ZNF48: variants seen among roughly 807,000 people sequenced by gnomAD.
ZNF48 encodes zinc finger protein 553.
A neutral mutation model predicts 40.0 loss-of-function variants in ZNF48; 20 were observed. The ratio of observed to expected loss-of-function variants is 0.50; its 90% CI spans 0.35 to 0.73. The LOEUF (loss-of-function observed/expected upper bound fraction) is 0.73, where lower values mean the gene tolerates loss of function less well. Among genes scored for constraint, ZNF48 ranks in the 30% least tolerant of loss-of-function variants. ZNF48 has a pLI of 0.01. For missense variants in ZNF48, 726 were observed against 851.9 expected (o/e 0.85, Z 1.84); for synonymous variants, 298 against 329.7 (o/e 0.90, Z 1.04).
rs1004168258 is a variant in ZNF48, at chr16:30,381,410, G to C, written c.-16+3000G>C. ...AGTCCTGGATGTTCTTCCGGTTCAG[G>C]CCACTCTCATCCCTAAGGTACTGCT... On this transcript the variant is annotated intron_variant, in intron 1 of 2. Coordinates refer to the ZNF48 transcript ENST00000528032. This position sits in a 1 kb window ranked among gnomAD's most constrained non-coding sequence, Gnocchi z 4.3. 15 of 1,613,856 alleles carry C rather than the reference G, an allele frequency of 9.3e-6. No individual in the cohort carries two copies. The Admixed American group carries it at 1.3e-4, about 14-fold the overall frequency.
chr16:30,379,060 T>C (rs776033912), intron 1 of ZNF48: 1 of 1,613,898 alleles, frequency 6.2e-7, no homozygotes, highest in Non-Finnish European at 8.5e-7. Flanking sequence ...GGCCAGGCTC[T>C]GTAGGCAGCG....
chr16:30,398,803 A>T lies in ZNF48; in HGVS notation c.1553A>T (p.His518Leu). 6.2e-7 allele frequency: 1 copy of T among 1,613,700 alleles called. No homozygotes were observed. The highest frequency in any genetic ancestry group is 8.5e-7 in the Non-Finnish European group (1 of 1,180,000). The change falls in exon 3 of 3, where the codon CAT becomes CTT. Residue 518 changes from histidine to leucine, a missense_variant. His to Leu is a moderately conservative substitution (Grantham distance 99). Transcript: ENST00000613509. The surrounding 1 kb of genome is among the most constrained non-coding windows in gnomAD (Gnocchi z 6.6). ...CCACCATCCACTCTGCTGCGGCCACATAACCCACCTGGCCCAGTACCCATG... is the reference window on the plus strand; with the variant it reads ...CCACCATCCACTCTGCTGCGGCCACTTAACCCACCTGGCCCAGTACCCATG... ...PPPPSTLLRP[H>L]NPPGPVPMAP...
In ZNF48 at chr16:30,381,670, G is replaced by T; in HGVS notation, c.-16+3260G>T. 1 of 1,560,806 alleles carries T rather than the reference G, an allele frequency of 6.4e-7. No homozygotes were observed. On this transcript the variant is annotated intron_variant, in intron 1 of 2. Coordinates refer to the ZNF48 transcript ENST00000528032. The surrounding 1 kb of genome is among the most constrained non-coding windows in gnomAD (Gnocchi z 4.3). ...CTCTGAAACAGACACCACCTTTTGA[G>T]ATAGGGAGCCAGCACAAACCAGTCC...
intron 1 of ZNF48, among the ~76,000 whole-genome samples, chr16:30,383,282 G>A (rs2049873776): frequency 6.6e-6 from 1 of 152,090 alleles, no homozygotes; most frequent in Non-Finnish European, 1.5e-5. Context: ...TCCACCTCCC[G>A]GGTTCCCGCC....
Position 30,397,862 on chromosome 16 carries a change from T to C in ZNF48, c.612T>C (p.Ser204=). ...CGECGKSFRQ[S]SDLVKHQRTH... ...AATGTGGCAAGAGCTTCCGGCAGAG[T>C]TCTGACCTGGTGAAACACCAGCGGA... The change falls in exon 3 of 3, where the codon AGT becomes AGC. Residue 204 remains serine, a synonymous_variant. Transcript: ENST00000613509. This position sits in a 1 kb window ranked among gnomAD's most constrained non-coding sequence, Gnocchi z 4.1. 1.2e-6 allele frequency: 2 copies of C among 1,607,992 alleles called. No homozygotes were observed. Among genetic ancestry groups the C allele is most frequent in the Non-Finnish European group, 1.7e-6 (2 of 1,178,054 alleles).
chr16:30,380,849 G>A (rs991273277), intron 1 of ZNF48: 1 of 486,938 alleles, frequency 2.1e-6, no homozygotes, highest in African/African-American at 1.9e-5. Flanking sequence ...ACACGGGGTG[G>A]GGGCCAGAGG....
At chr16:30,378,413 A>T (rs1567421918) in intron 1 of ZNF48, 8 of 1,550,238 alleles carry the variant, frequency 5.2e-6, no homozygotes, top group Non-Finnish European at 6.9e-6. Flanking sequence ...GAGCCGAGGT[A>T]AGGCCGGGCG....
At chr16:30,394,383 C>G (rs939455474), upstream of ZNF48, among the ~76,000 whole-genome samples, 1 of 152,168 alleles carries the variant, frequency 6.6e-6, no homozygotes, top group Non-Finnish European at 1.5e-5. Flanking sequence ...TCCAGACACT[C>G]TCTCCACCCC....
At chr16:30,379,678 TCA>T (rs2049815563) in intron 1 of ZNF48, 1 of 476,308 alleles carries the variant, frequency 2.1e-6, no homozygotes, top group Non-Finnish European at 3.6e-6. Context: ...AGACAGGGTC[TCA>T]CTCCATTGCC....
Position 30,398,938 on chromosome 16 carries a change from G to C in ZNF48, c.1688G>C (p.Arg563Pro). Reference protein sequence around the residue: ...PRSSDLVKHRRTHTGEKPYKC... With the variant: ...PRSSDLVKHRPTHTGEKPYKC... ...AGCTCAGATCTGGTCAAACACAGGCGTACACACACGGGGGAGAAGCCATAC... is the reference window on the plus strand; with the variant it reads ...AGCTCAGATCTGGTCAAACACAGGCCTACACACACGGGGGAGAAGCCATAC... Residue 563 changes from arginine (R) to proline (P), a missense_variant, in exon 3 of 3, where the codon CGT becomes CCT. By Grantham distance (103) the Arg-to-Pro change is moderately radical. Around this residue, in one of 5 missense-constraint regions of ZNF48, gnomAD observed 166 missense variants for 163.6 expected, o/e 1.01. Coordinates refer to ENST00000613509, the MANE Select transcript of ZNF48 (RefSeq NM_001214909.2). This position sits in a 1 kb window ranked among gnomAD's most constrained non-coding sequence, Gnocchi z 6.6. 1 of 1,613,822 alleles carries C rather than the reference G, an allele frequency of 6.2e-7. No homozygotes were observed. Among genetic ancestry groups the C allele is most frequent in the Non-Finnish European group, 8.5e-7 (1 of 1,179,914 alleles).
intron 1 of ZNF48, among the ~76,000 whole-genome samples, chr16:30,389,820 T>TG (rs2049928774): frequency 1.1e-5 from 1 of 90,454 alleles, no homozygotes; most frequent in South Asian, 3.9e-4. Context: ...GGATTAGTTT[T>TG]TTTTTTTTTT....
chr16:30,395,772 T>A lies in ZNF48; in HGVS notation c.-15-8T>A. 2 of 1,527,394 alleles carry A rather than the reference T, an allele frequency of 1.3e-6. No individual in the cohort carries two copies. The highest frequency in any genetic ancestry group is 1.8e-6 in the Non-Finnish European group (2 of 1,139,128). The allele number at this position is 1,527,394 out of a possible 1,614,324, so 94.6% of individuals were successfully genotyped here. A position where few individuals can be genotyped will look rare whatever the true frequency, so the allele number is the denominator to read the frequency against. On this transcript the variant is annotated splice_region_variant and splice_polypyrimidine_tract_variant and intron_variant, in intron 1 of 2. Coordinates refer to ENST00000613509, the MANE Select transcript of ZNF48 (RefSeq NM_001214909.2). This position sits in a 1 kb window ranked among gnomAD's most constrained non-coding sequence, Gnocchi z 5.9. ...TGACCGCGGGATGCTGTCTGTCCCC[T>A]TGCTCAGGGCGGCGTGCCGGCGATG...
chr16:30,385,642 C>T (rs1037001780), intron 1 of ZNF48, among the ~76,000 whole-genome samples: 10 of 151,736 alleles, frequency 6.6e-5, no homozygotes, highest in African/African-American at 2.4e-4. Flanking sequence ...GGAAAAAAAA[C>T]TTTCTGAACT....
intron 1 of ZNF48, chr16:30,380,074 C>A (rs1165177511): frequency 1.3e-6 from 2 of 1,523,386 alleles, no homozygotes; most frequent in East Asian, 2.3e-5. Context: ...AAACGGGCCA[C>A]AATGACAGAC....
upstream of ZNF48, among the ~76,000 whole-genome samples, chr16:30,393,341 G>T (rs1467060568): frequency 6.6e-6 from 1 of 151,536 alleles, no homozygotes; most frequent in Non-Finnish European, 1.5e-5. Flanking sequence ...CTCCCAAAGG[G>T]CTGGGATTAC....
At chr16:30,396,863 A>T (rs963907279) in intron 2 of ZNF48, among the ~76,000 whole-genome samples, 8 of 149,322 alleles carry the variant, frequency 5.4e-5, no homozygotes, top group Admixed American at 2.7e-4. Context: ...TAATTTTTGT[A>T]TTTTTTTTTG....
At chr16:30,379,610 A>G (rs1002828678) in intron 1 of ZNF48, 2 of 506,660 alleles carry the variant, frequency 3.9e-6, no homozygotes, top group Admixed American at 2.8e-5. Flanking sequence ...CAATCTCCAC[A>G]CCCGCCTCCT....
upstream of ZNF48, among the ~76,000 whole-genome samples, chr16:30,392,095 T>C (rs1427052119): frequency 6.6e-6 from 1 of 152,244 alleles, no homozygotes; most frequent in Non-Finnish European, 1.5e-5. Context: ...CGATCTCGGC[T>C]AACTGGAAGC....
chr16:30,383,988 G>C (rs1187709022), intron 1 of ZNF48, among the ~76,000 whole-genome samples: 3 of 152,056 alleles, frequency 2.0e-5, no homozygotes, highest in East Asian at 3.9e-4. Flanking sequence ...AGGCCGAGGC[G>C]GGTGGATCAC....
Sources: allele counts gnomAD v4.1 joint callset (sites outside exome capture counted in the v4.1 genomes callset), GRCh38; gene constraint gnomAD v4.1.1; regional missense constraint gnomAD v4.1.1; non-coding constraint Gnocchi (gnomAD v3.1); transcripts MANE v1.5; gene names NCBI Gene and HGNC (gene_info 2026-07-23, HGNC 2026-07-21).